The following NR3C2 variants were observed in gnomAD, a reference collection of about 807,000 sequenced individuals.
The protein encoded by NR3C2 is nuclear receptor subfamily 3 group C member 2, also known as mineralocorticoid receptor.
In NR3C2, 15 loss-of-function variants were observed where a neutral mutation model predicts 86.4. The observed-to-expected ratio is 0.17, with a 90% confidence interval of 0.12 to 0.27. The LOEUF (loss-of-function observed/expected upper bound fraction) is 0.27. Among genes scored for constraint, NR3C2 ranks in the 10% least tolerant of loss-of-function variants. The pLI, the probability that NR3C2 is intolerant of heterozygous loss-of-function variation, is 1.00. For synonymous variants in NR3C2, 458 were observed against 450.5 expected, an observed-to-expected ratio of 1.02 and a Z score of -0.21; for missense variants, 960 against 1,195.6, an observed-to-expected ratio of 0.80 and a Z score of 2.91.
At chr4:148,149,318 A>G (rs1323948003) in intron 6 of NR3C2, among the ~76,000 whole-genome samples, 5 of 152,214 alleles carry the variant, frequency 3.3e-5, no homozygotes, top group Non-Finnish European at 7.3e-5. Context: ...TTTCTAGAAT[A>G]GACAAATACA....
chr4:148,422,860 A>G (rs186622447), intron 2 of NR3C2, among the ~76,000 whole-genome samples: 3 of 152,252 alleles, frequency 2.0e-5, no homozygotes, highest in Non-Finnish European at 2.9e-5. Flanking sequence ...AAACAAAACT[A>G]TTCTGCTCCT....
intron 2 of NR3C2, among the ~76,000 whole-genome samples, chr4:148,373,198 C>G (rs1159675504): frequency 2.6e-5 from 4 of 152,282 alleles, no homozygotes; most frequent in African/African-American, 2.4e-5. Flanking sequence ...TACTTAGAAG[C>G]CTCTCTTGGC....
chr4:148,370,009 C>A (rs924073752), intron 2 of NR3C2, among the ~76,000 whole-genome samples: 1 of 152,116 alleles, frequency 6.6e-6, no homozygotes, highest in Non-Finnish European at 1.5e-5. Context: ...TCCTGTATTC[C>A]GAGATGATGC....
upstream of NR3C2, chr4:148,444,849 T>A (rs1750508462): frequency 5.1e-6 from 5 of 984,570 alleles, no homozygotes; most frequent in Non-Finnish European, 1.2e-6. Context: ...GACAGCGGCG[T>A]CCCTGGGAGC....
intron 2 of NR3C2, among the ~76,000 whole-genome samples, chr4:148,368,626 T>C (rs1385064390): frequency 2.6e-5 from 4 of 152,028 alleles, no homozygotes; most frequent in African/African-American, 9.7e-5. Flanking sequence ...GAACTTTACA[T>C]CAATATATAA....
chr4:148,264,426 A>G (rs1302449883), intron 2 of NR3C2, among the ~76,000 whole-genome samples: 1 of 152,224 alleles, frequency 6.6e-6, no homozygotes, highest in East Asian at 1.9e-4. Context: ...TTTAAAATAC[A>G]AAGCATGTTT....
intron 8 of NR3C2, among the ~76,000 whole-genome samples, chr4:148,096,701 AT>A (rs1322957042): frequency 2.0e-5 from 3 of 152,208 alleles, no homozygotes; most frequent in African/African-American, 7.2e-5. Context: ...CTGAAAAAAA[AT>A]CCAAAGAATA....
chr4:148,409,284 T>C (rs1029957022), intron 2 of NR3C2, among the ~76,000 whole-genome samples: 9 of 152,172 alleles, frequency 5.9e-5, no homozygotes, highest in Non-Finnish European at 8.8e-5. Flanking sequence ...AATTATGTCT[T>C]TGATATTGAG....
intron 3 of NR3C2, among the ~76,000 whole-genome samples, chr4:148,232,273 A>G (rs1182288897): frequency 2.6e-5 from 4 of 152,252 alleles, no homozygotes; most frequent in Non-Finnish European, 5.9e-5. Context: ...CTTAAATAAT[A>G]AGACATGAAA....
intron 2 of NR3C2, among the ~76,000 whole-genome samples, chr4:148,336,948 T>C (rs1306866088): frequency 6.6e-6 from 1 of 152,084 alleles, no homozygotes; most frequent in Non-Finnish European, 1.5e-5. Context: ...TATGCCATTG[T>C]GCCTGACTAA....
At chr4:148,333,192 A>T (rs1702469095) in intron 2 of NR3C2, among the ~76,000 whole-genome samples, 1 of 151,982 alleles carries the variant, frequency 6.6e-6, no homozygotes, top group Non-Finnish European at 1.5e-5. Context: ...AACTGCTTGA[A>T]CCCGGGAGAT....
At chr4:148,257,642 A>G (rs1739897346) in intron 3 of NR3C2, among the ~76,000 whole-genome samples, 1 of 152,094 alleles carries the variant, frequency 6.6e-6, no homozygotes, top group Non-Finnish European at 1.5e-5. Flanking sequence ...AAAGTTTTAT[A>G]AAAATAATCT....
chr4:148,268,377 A>G (rs1388327242), intron 2 of NR3C2, among the ~76,000 whole-genome samples: 1 of 152,166 alleles, frequency 6.6e-6, no homozygotes, highest in Admixed American at 6.5e-5. Flanking sequence ...TGTTTGGAAG[A>G]TACTTCCTAA....
At chr4:148,120,038 T>C in intron 7 of NR3C2, 120 bp downstream of exon 7, 1 of 1,321,126 alleles carries the variant, frequency 7.6e-7, no homozygotes, top group East Asian at 2.3e-5. Flanking sequence ...TTCTTCAGTG[T>C]TTCTGTTTGG....
At chr4:148,282,879 T>G (rs1008283715) in intron 2 of NR3C2, among the ~76,000 whole-genome samples, 3 of 152,012 alleles carry the variant, frequency 2.0e-5, no homozygotes, top group Non-Finnish European at 4.4e-5. Flanking sequence ...AGAGTGGGCC[T>G]TACTGGACTG....
intron 2 of NR3C2, among the ~76,000 whole-genome samples, chr4:148,317,573 AAGAT>A (rs1332201551): frequency 2.6e-5 from 4 of 152,140 alleles, no homozygotes; most frequent in Non-Finnish European, 4.4e-5. Context: ...GGTTATAAAG[AAGAT>A]ACAGAGAGGG....
intron 2 of NR3C2, among the ~76,000 whole-genome samples, chr4:148,318,777 T>C (rs1191525385): frequency 7.9e-5 from 12 of 152,114 alleles, no homozygotes; most frequent in Non-Finnish European, 1.0e-4. Flanking sequence ...TGGATATTAG[T>C]CCTTTGTCAG....
intron 2 of NR3C2, among the ~76,000 whole-genome samples, chr4:148,267,939 GTTTT>G (rs71594257): frequency 8.6e-6 from 1 of 116,502 alleles, no homozygotes; most frequent in Non-Finnish European, 1.8e-5. Context: ...GAGTCACAGT[GTTTT>G]TTTTTTTTTT....
chr4:148,237,514 C>T (rs1405197336), intron 3 of NR3C2, among the ~76,000 whole-genome samples: 1 of 152,132 alleles, frequency 6.6e-6, no homozygotes. Flanking sequence ...TTAAAAACCA[C>T]TGAAATTTAT....
Sources: allele counts gnomAD v4.1 joint callset (sites outside exome capture counted in the v4.1 genomes callset), GRCh38; gene constraint gnomAD v4.1.1; transcripts MANE v1.5; gene names NCBI Gene and HGNC (gene_info 2026-07-23, HGNC 2026-07-21).